The following CNTNAP2 variants were observed in gnomAD, a reference collection of about 807,000 sequenced individuals.
The protein encoded by CNTNAP2 is contactin-associated protein-like 2.
CNTNAP2 carries 98 observed loss-of-function variants against 155.2 expected under a neutral mutation model. That is an observed-to-expected ratio of 0.63 (90% CI 0.54 to 0.75). The LOEUF (loss-of-function observed/expected upper bound fraction) is 0.75. Among genes scored for constraint, CNTNAP2 ranks in the 30% least tolerant of loss-of-function variants. The pLI, the probability that CNTNAP2 is intolerant of heterozygous loss-of-function variation, is 0.00. For synonymous variants in CNTNAP2, 651 were observed against 631.2 expected (o/e 1.03, Z -0.47); for missense variants, 1,727 against 1,688.1 (o/e 1.02, Z -0.40).
At chr7:148,020,082 T>A (rs1392262390) in intron 15 of CNTNAP2, among the ~76,000 whole-genome samples, 2 of 152,196 alleles carry the variant, frequency 1.3e-5, no homozygotes, top group Admixed American at 1.3e-4. Context: ...CCACCACACC[T>A]GGCCAGAGTA....
chr7:146,734,501 A>G (rs554761270), intron 1 of CNTNAP2, among the ~76,000 whole-genome samples: 154 of 137,648 alleles, frequency 1.1e-3, no homozygotes, highest in Middle Eastern at 4.1e-3. Context: ...TATCACACAG[A>G]AAATTATCTT....
chr7:146,254,381 C>G (rs1182936627), intron 1 of CNTNAP2, among the ~76,000 whole-genome samples: 1 of 152,196 alleles, frequency 6.6e-6, no homozygotes, highest in Non-Finnish European at 1.5e-5. Context: ...TAGAATAGTT[C>G]TTGGCACATG....
At chr7:146,201,466 C>G (rs1409101917) in intron 1 of CNTNAP2, among the ~76,000 whole-genome samples, 4 of 152,144 alleles carry the variant, frequency 2.6e-5, no homozygotes, top group Admixed American at 2.0e-4. Context: ...GTTCAAGATA[C>G]ATTAATGCAA....
At chr7:147,455,722 CAAT>C (rs1336518973) in intron 10 of CNTNAP2, among the ~76,000 whole-genome samples, 6 of 151,990 alleles carry the variant, frequency 3.9e-5, no homozygotes, top group African/African-American at 7.2e-5. Context: ...AAAACAACAA[CAAT>C]AACAACAACT....
At chr7:146,927,173 TCTC>T in intron 3 of CNTNAP2, among the ~76,000 whole-genome samples, 1 of 152,276 alleles carries the variant, frequency 6.6e-6, no homozygotes, top group East Asian at 1.9e-4. Flanking sequence ...GGCAAAGAGT[TCTC>T]CTGTAAGACT....
chr7:146,301,864 T>C (rs531169272), intron 1 of CNTNAP2, among the ~76,000 whole-genome samples: 53 of 152,236 alleles, frequency 3.5e-4, no homozygotes, highest in Admixed American at 3.2e-3. Flanking sequence ...AGGAGGTTGA[T>C]GGTAAACCTC....
At chr7:146,633,036 TAAAAG>T (rs1285945553) in intron 1 of CNTNAP2, among the ~76,000 whole-genome samples, 1 of 152,074 alleles carries the variant, frequency 6.6e-6, no homozygotes, top group Non-Finnish European at 1.5e-5. Flanking sequence ...CTTTCTGAAA[TAAAAG>T]AGAACTGTCT....
intron 2 of CNTNAP2, among the ~76,000 whole-genome samples, chr7:146,803,026 A>T (rs1802907716): frequency 6.6e-6 from 1 of 152,172 alleles, no homozygotes; most frequent in South Asian, 2.1e-4. Flanking sequence ...TTGCAGGTAA[A>T]AAATAAATAA....
chr7:146,320,703 T>A (rs2129092392), intron 1 of CNTNAP2, among the ~76,000 whole-genome samples: 1 of 152,270 alleles, frequency 6.6e-6, no homozygotes, highest in Non-Finnish European at 1.5e-5. Context: ...TATACAAGTA[T>A]AAAATAATAC....
At chr7:146,898,672 C>G (rs973210556) in intron 3 of CNTNAP2, among the ~76,000 whole-genome samples, 1 of 151,862 alleles carries the variant, frequency 6.6e-6, no homozygotes, top group Admixed American at 6.6e-5. Context: ...TTTGTGGTAC[C>G]TAATCTCCAA....
intron 13 of CNTNAP2, among the ~76,000 whole-genome samples, chr7:147,848,714 T>TA (rs56743390): frequency 2.1e-4 from 31 of 149,940 alleles, no homozygotes; most frequent in South Asian, 8.4e-4. Flanking sequence ...TAGTTAATGG[T>TA]AAAAAAAAAA....
intron 1 of CNTNAP2, among the ~76,000 whole-genome samples, chr7:146,313,985 A>G (rs778553104): frequency 3.3e-5 from 5 of 151,882 alleles, no homozygotes; most frequent in Non-Finnish European, 7.3e-5. Flanking sequence ...TATGAAAGAA[A>G]GAGACTCCAT....
chr7:147,809,304 T>A (rs778845950), intron 13 of CNTNAP2, among the ~76,000 whole-genome samples: 14 of 152,250 alleles, frequency 9.2e-5, no homozygotes, highest in Non-Finnish European at 2.1e-4. Flanking sequence ...CTTCCCCATC[T>A]GTAAATAACA....
chr7:146,163,149 A>G (rs1429911709), intron 1 of CNTNAP2, among the ~76,000 whole-genome samples: 1 of 152,204 alleles, frequency 6.6e-6, no homozygotes, highest in African/African-American at 2.4e-5. Context: ...TAGAACTTAA[A>G]GTATAATAAT....
chr7:147,703,765 G>GTCACC (rs1211368851), intron 13 of CNTNAP2, among the ~76,000 whole-genome samples: 5 of 152,072 alleles, frequency 3.3e-5, no homozygotes, highest in African/African-American at 1.2e-4. Flanking sequence ...GTTAACTGTA[G>GTCACC]TCACCCTACT....
At chr7:146,221,972 T>C (rs1799214701) in intron 1 of CNTNAP2, among the ~76,000 whole-genome samples, 1 of 152,068 alleles carries the variant, frequency 6.6e-6, no homozygotes, top group Non-Finnish European at 1.5e-5. Flanking sequence ...ACATCACTAA[T>C]TCACAAGTGT....
intron 14 of CNTNAP2, among the ~76,000 whole-genome samples, chr7:147,965,277 GT>G (rs761462280): frequency 4.0e-4 from 61 of 152,122 alleles, no homozygotes; most frequent in Non-Finnish European, 8.2e-4. Context: ...GGAAAGCAAT[GT>G]TGGCAAATTG....
At chr7:146,352,769 TTTC>T (rs1794937109) in intron 1 of CNTNAP2, among the ~76,000 whole-genome samples, 1 of 141,082 alleles carries the variant, frequency 7.1e-6, no homozygotes, top group African/African-American at 2.7e-5. Context: ...TTTTTTTTTT[TTTC>T]GAGACAGAGT....
chr7:148,230,975 A>G (rs1221147081), intron 20 of CNTNAP2, among the ~76,000 whole-genome samples: 1 of 152,158 alleles, frequency 6.6e-6, no homozygotes, highest in Non-Finnish European at 1.5e-5. Flanking sequence ...TCATTTCATC[A>G]ACATTGTCTC....
Sources: allele counts gnomAD v4.1 joint callset (sites outside exome capture counted in the v4.1 genomes callset), GRCh38; gene constraint gnomAD v4.1.1; transcripts MANE v1.5; gene names NCBI Gene and HGNC (gene_info 2026-07-23, HGNC 2026-07-21).